GALNTL6: variants seen among roughly 807,000 people sequenced by gnomAD.
The protein encoded by GALNTL6 is polypeptide N-acetylgalactosaminyltransferase like 6, also known as polypeptide N-acetylgalactosaminyltransferase-like 6.
GALNTL6 carries 46 observed loss-of-function variants against 73.7 expected under a neutral mutation model. The ratio of observed to expected loss-of-function variants is 0.62; its 90% confidence interval spans 0.49 to 0.80. The LOEUF is 0.80. GALNTL6 is among the 30% of genes least tolerant of loss of function. The probability of loss-of-function intolerance (pLI) is 0.00; values close to 1 mark genes in which losing one functional copy is unlikely to be tolerated. For missense variants in GALNTL6, 604 were observed against 755.0 expected (o/e 0.80, Z 2.34); for synonymous variants, 259 against 263.7 (o/e 0.98, Z 0.17).
At chr4:172,735,136 G>T (rs1736385620) in intron 5 of GALNTL6, among the ~76,000 whole-genome samples, 1 of 152,112 alleles carries the variant, frequency 6.6e-6, no homozygotes, top group Non-Finnish European at 1.5e-5. Context: ...CAGAATAGTA[G>T]ATCCATTGAC....
chr4:172,391,368 C>T (rs1743659574), intron 5 of GALNTL6, among the ~76,000 whole-genome samples: 1 of 152,108 alleles, frequency 6.6e-6, no homozygotes, highest in Admixed American at 6.5e-5. Flanking sequence ...GAGATGGGGT[C>T]TTGCTCTGTT....
At chr4:172,262,524 A>G (rs1490090056) in intron 3 of GALNTL6, among the ~76,000 whole-genome samples, 3 of 151,444 alleles carry the variant, frequency 2.0e-5, no homozygotes, top group African/African-American at 7.3e-5. Flanking sequence ...CTGATGTGTT[A>G]GGTAAGTTTC....
At chr4:172,746,798 C>T (rs1052761940) in intron 5 of GALNTL6, among the ~76,000 whole-genome samples, 126 of 152,046 alleles carry the variant, frequency 8.3e-4, no homozygotes, top group African/African-American at 2.8e-3. Context: ...AAGACAAGAA[C>T]GCCCATTTTC....
intron 5 of GALNTL6, among the ~76,000 whole-genome samples, chr4:172,377,901 TC>T (rs374764957): frequency 0.019 from 2,757 of 142,822 alleles, 58 homozygotes; most frequent in African/African-American, 0.047. Context: ...CAGCACCAGA[TC>T]CCCCCCCCCA....
intron 5 of GALNTL6, among the ~76,000 whole-genome samples, chr4:172,426,473 A>C (rs769806472): frequency 2.6e-5 from 4 of 152,164 alleles, no homozygotes; most frequent in Non-Finnish European, 4.4e-5. Flanking sequence ...CAGTTTCTAA[A>C]TAGTATCCCC....
At chr4:172,373,840 T>C (rs1742920286) in intron 5 of GALNTL6, among the ~76,000 whole-genome samples, 4 of 152,180 alleles carry the variant, frequency 2.6e-5, no homozygotes, top group Admixed American at 2.6e-4. Context: ...CCAGGATTCC[T>C]TGGATGGTAA....
intron 5 of GALNTL6, among the ~76,000 whole-genome samples, chr4:172,749,107 G>A (rs1737280899): frequency 6.6e-6 from 1 of 151,276 alleles, no homozygotes; most frequent in African/African-American, 2.4e-5. Context: ...TTTTTTGATA[G>A]AGAAGAAGTT....
intron 2 of GALNTL6, among the ~76,000 whole-genome samples, chr4:172,187,955 A>G (rs952458507): frequency 6.6e-6 from 1 of 152,098 alleles, no homozygotes; most frequent in Non-Finnish European, 1.5e-5. Flanking sequence ...TTGTTAGAAC[A>G]TATTATCTGA....
At chr4:172,649,569 A>G (rs1410753714) in intron 5 of GALNTL6, among the ~76,000 whole-genome samples, 1 of 152,202 alleles carries the variant, frequency 6.6e-6, no homozygotes. Flanking sequence ...ATAACAAATA[A>G]CTGAATTAAA....
In GALNTL6 at chr4:172,504,717, G is replaced by A. The variant is rs1454722835; in HGVS notation, c.553+156028G>A. ...TCTTATTTTCCATTTGTCTTTGCCT[G>A]TACAGTCTTCACCATACAGCACATA... is the stretch of plus-strand genomic sequence containing the variant. On this transcript the variant is annotated intron_variant, in intron 5 of 12. Coordinates refer to ENST00000506823, the MANE Select transcript of GALNTL6 (RefSeq NM_001034845.3). Among the ~76,000 whole-genome samples the A allele has an allele frequency of 4.9e-4, 26 of 52,904 alleles. 11 individuals are homozygous for A. Among genetic ancestry groups the A allele is most frequent in the Non-Finnish European group, 1.0e-3 (24 of 23,304 alleles). The allele number at this position is 52,904 out of a possible 152,430, so 34.7% of individuals were successfully genotyped here.
In GALNTL6 at chr4:173,009,411, A is replaced by G. The variant is rs142134787; in HGVS notation, c.1488+117A>G. 288 of 671,674 alleles carry G rather than the reference A, an allele frequency of 4.3e-4. No homozygotes were observed. The African/African-American group carries it at 4.7e-3, about 11-fold the overall frequency. 41.6% of individuals were successfully genotyped at this position (671,674 alleles called of 1,614,324 possible). A position where few individuals can be genotyped will look rare whatever the true frequency, so the allele number is the denominator to read the frequency against. On this transcript the variant is annotated intron_variant, in intron 11 of 12. Transcript: ENST00000506823. ...TGCAGATGGTACTTGTGGGACCTGG[A>G]GTGAGGCCGCTGTATCACCAACCAG...
chr4:171,828,343 AT>A (rs1169519535), intron 2 of GALNTL6, among the ~76,000 whole-genome samples: 2 of 152,114 alleles, frequency 1.3e-5, no homozygotes, highest in Non-Finnish European at 2.9e-5. Context: ...ATTCTCTCAT[AT>A]TTCTGGCCAT....
chr4:172,450,213 A>G (rs1429538879), intron 5 of GALNTL6, among the ~76,000 whole-genome samples: 6 of 76,762 alleles, frequency 7.8e-5, no homozygotes, highest in Non-Finnish European at 1.6e-4. Flanking sequence ...GCGAAACTCC[A>G]TTAAAAAAAA....
chr4:171,942,269 T>TAAATAAATAA (rs1423565851), intron 2 of GALNTL6, among the ~76,000 whole-genome samples: 13,206 of 144,038 alleles, frequency 0.092, 791 homozygotes, highest in South Asian at 0.15. Flanking sequence ...TAAATAAATA[T>TAAATAAATAA]AATATACAGA....
chr4:172,598,400 G>C (rs1737940943), intron 5 of GALNTL6, among the ~76,000 whole-genome samples: 2 of 152,004 alleles, frequency 1.3e-5, no homozygotes, highest in Non-Finnish European at 2.9e-5. Context: ...AATATAATGA[G>C]GACCTTCGAG....
intron 5 of GALNTL6, among the ~76,000 whole-genome samples, chr4:172,604,370 G>A (rs942673910): frequency 6.6e-6 from 1 of 152,024 alleles, no homozygotes; most frequent in Non-Finnish European, 1.5e-5. Flanking sequence ...GGAATATTCT[G>A]GCTTAGTATT....
intron 5 of GALNTL6, among the ~76,000 whole-genome samples, chr4:172,708,824 T>C (rs1321215290): frequency 6.6e-6 from 1 of 152,182 alleles, no homozygotes; most frequent in East Asian, 1.9e-4. Context: ...TGAAAAATCT[T>C]CATCCAAGTT....
At chr4:172,165,838 A>T (rs1734606147) in intron 2 of GALNTL6, among the ~76,000 whole-genome samples, 1 of 152,204 alleles carries the variant, frequency 6.6e-6, no homozygotes, top group Non-Finnish European at 1.5e-5. Flanking sequence ...ATTGCTAATG[A>T]GCACATGCTG....
At chr4:172,028,658 T>G (rs1360708992) in intron 2 of GALNTL6, among the ~76,000 whole-genome samples, 1 of 152,032 alleles carries the variant, frequency 6.6e-6, no homozygotes, top group Non-Finnish European at 1.5e-5. Flanking sequence ...TTTCACAAAT[T>G]TTTACTGTAC....
Sources: gnomAD v4.1 joint callset for allele counts (sites outside exome capture counted in the v4.1 genomes callset) on GRCh38, gnomAD v4.1.1 for gene constraint, MANE v1.5 for transcripts, NCBI Gene and HGNC (gene_info 2026-07-23, HGNC 2026-07-21) for gene names.